WNT9A: variants seen among roughly 807,000 people sequenced by gnomAD.
WNT9A encodes the protein Wnt family member 9A.
WNT9A carries 8 observed loss-of-function variants against 31.4 expected under a neutral mutation model. That is an observed-to-expected ratio of 0.26 (90% confidence interval 0.15 to 0.46). WNT9A has a LOEUF of 0.46. Among genes scored for constraint, WNT9A ranks in the 20% least tolerant of loss-of-function variants. The pLI, the probability that WNT9A is intolerant of heterozygous loss-of-function variation, is 0.99. For synonymous variants in WNT9A, 236 were observed against 220.1 expected, an observed-to-expected ratio of 1.07 and a Z score of -0.64; for missense variants, 457 against 522.9, an observed-to-expected ratio of 0.87 and a Z score of 1.23.
In WNT9A at chr1:227,947,874, G is replaced by A. The variant is rs1209458874; in HGVS notation, c.14C>T (p.Ser5Phe). MLDGSPLARWLAAAF... is the reference protein window; with the variant it reads MLDGFPLARWLAAAF... The stretch of plus-strand genomic sequence containing the variant: ...CGCGGCCAGCCAGCGCGCCAGCGGG[G>A]ACCCATCCAGCATCTTGCCGCGCCT... Residue 5 changes from serine to phenylalanine, a missense_variant, in exon 1 of 4, where the codon TCC becomes TTC. By Grantham distance (155) the Ser-to-Phe change is radical. Coordinates refer to ENST00000272164, the MANE Select transcript of WNT9A (RefSeq NM_003395.4). 7 of 1,081,736 alleles carry A rather than the reference G, an allele frequency of 6.5e-6. No homozygotes were observed. Among genetic ancestry groups the A allele is most frequent in the South Asian group, 8.6e-5 (2 of 23,162 alleles). 67.0% of individuals were successfully genotyped at this position (1,081,736 alleles called of 1,614,324 possible). A position where few individuals can be genotyped will look rare whatever the true frequency, so the allele number is the denominator to read the frequency against.
chr1:227,921,497 G>A lies in WNT9A; in HGVS notation c.*21C>T. 6.3e-7 allele frequency: 1 copy of A among 1,595,050 alleles called. No individual in the cohort carries two copies. The highest frequency in any genetic ancestry group is 1.1e-5 in the South Asian group (1 of 87,838). On this transcript the variant is annotated 3_prime_UTR_variant, in exon 4 of 4. Transcript: ENST00000272164. ...TGCAATGCCTGCACCCTGTGCAGCA[G>A]GGCTGGCAGGGCCTGGGAACTCAGC... is the stretch of plus-strand genomic sequence containing the variant.
At position 227,926,766 on chromosome 1, in the gene WNT9A, G is replaced by A. The variant is rs1462732976; in HGVS notation, c.96-1247C>T. ...AGGATGTGCTGGGAGCCACCGGGGT[G>A]CCAGCTTGGGAAGGCTCCCCCCACA... On this transcript the variant is annotated intron_variant, in intron 1 of 3. Transcript: ENST00000272164. This position sits in a 1 kb window ranked among gnomAD's most constrained non-coding sequence, Gnocchi z 5.0. 6.6e-6 allele frequency among the ~76,000 whole-genome samples: 1 copy of A among 151,948 alleles called. No individual in the cohort carries two copies. The highest frequency in any genetic ancestry group is 1.5e-5 in the Non-Finnish European group (1 of 67,982).
chr1:227,927,263 T>A (rs74140819), intron 1 of WNT9A, among the ~76,000 whole-genome samples: 1,924 of 152,012 alleles, frequency 0.013, 13 homozygotes, highest in African/African-American at 0.021. Flanking sequence ...CACACACCCA[T>A]GTGCCAGGCT....
intron 3 of WNT9A, 46 bp from the exon 4 acceptor site, chr1:227,922,046 G>T: frequency 5.1e-6 from 8 of 1,555,158 alleles, no homozygotes; most frequent in Non-Finnish European, 7.0e-6. Context: ...GGCTGTGCAG[G>T]TGGGCCCAGT....
At chr1:227,922,884 C>A (rs1238402156) in intron 3 of WNT9A, among the ~76,000 whole-genome samples, 1 of 152,098 alleles carries the variant, frequency 6.6e-6, no homozygotes, top group Non-Finnish European at 1.5e-5. Flanking sequence ...AGAAATCCAG[C>A]CACCTCTGGC....
Position 227,927,696 on chromosome 1 carries a change from C to T in WNT9A, c.96-2177G>A, listed in dbSNP as rs958174947. Among the ~76,000 whole-genome samples the T allele has an allele frequency of 2.6e-5, 4 of 152,086 alleles. No homozygotes were observed. In the East Asian group the frequency reaches 5.8e-4, roughly 22 times the overall value. ...TGGAGACCTCCATCCCCAGACGGAACGCCACAGCTGTGACCAGAACAGCCC... is the reference window on the plus strand; with the variant it reads ...TGGAGACCTCCATCCCCAGACGGAATGCCACAGCTGTGACCAGAACAGCCC... On this transcript the variant is annotated intron_variant, in intron 1 of 3. Transcript: ENST00000272164.
chr1:227,932,170 C>T (rs1291899942), intron 1 of WNT9A, among the ~76,000 whole-genome samples: 1 of 152,228 alleles, frequency 6.6e-6, no homozygotes, highest in African/African-American at 2.4e-5. Context: ...TCTTCTCAAA[C>T]CCTGCCACTG....
intron 1 of WNT9A, among the ~76,000 whole-genome samples, chr1:227,931,685 G>A (rs1480781806): frequency 2.0e-5 from 3 of 152,154 alleles, no homozygotes; most frequent in African/African-American, 7.2e-5. Flanking sequence ...GTCTTTAAGT[G>A]AGCAATATAG....
In WNT9A at chr1:227,924,275, G is replaced by A. The variant is rs1462544358; in HGVS notation, c.478C>T (p.Arg160Cys). The A allele has an allele frequency of 3.1e-6, 5 of 1,613,730 alleles. No homozygotes were observed. Among genetic ancestry groups the A allele is most frequent in the South Asian group, 1.1e-5 (1 of 91,082 alleles). The change falls in exon 3 of 4, where the codon CGT becomes TGT. Residue 160 changes from arginine (R) to cysteine (C), a missense_variant. Transcript: ENST00000272164. ...CAGCCCCCCCACTGCCAGGCCTCACGGTTCTCCAGGTCGGGTGCCTCATCG... is the reference window on the plus strand; with the variant it reads ...CAGCCCCCCCACTGCCAGGCCTCACAGTTCTCCAGGTCGGGTGCCTCATCG... ...TCDEAPDLEN[R>C]EAWQWGGCGD... is the part of the protein sequence containing the mutation.
At chr1:227,944,775 C>T (rs1300777754) in intron 1 of WNT9A, among the ~76,000 whole-genome samples, 2 of 152,136 alleles carry the variant, frequency 1.3e-5, no homozygotes, top group Non-Finnish European at 2.9e-5. Context: ...TGGCCTCCCA[C>T]CATCGTGCCC....
chr1:227,944,964 G>A (rs1284606095), intron 1 of WNT9A, among the ~76,000 whole-genome samples: 1 of 152,216 alleles, frequency 6.6e-6, no homozygotes, highest in African/African-American at 2.4e-5. Context: ...CAGCCTAGCA[G>A]CCAGGGGTGG....
rs764288633 is a variant in WNT9A at position 227,921,763 on chromosome 1, G to A, written c.853C>T (p.Arg285Cys). The A allele has an allele frequency of 3.2e-5, 51 of 1,612,326 alleles. No homozygotes were observed. Among genetic ancestry groups the A allele is most frequent in the South Asian group, 6.6e-5 (6 of 91,060 alleles). ...SGAGGSDPLP[R>C]TPELVHLDDS... Reference sequence around the variant, plus strand: ...TCCAGGTGCACCAGCTCTGGAGTGCGGGGCAGCGGGTCGCTGCCACCTGCC... The same window carrying A: ...TCCAGGTGCACCAGCTCTGGAGTGCAGGGCAGCGGGTCGCTGCCACCTGCC... Residue 285 changes from arginine (R) to cysteine (C), a missense_variant, in exon 4 of 4, where the codon CGC (arginine) becomes TGC (cysteine). Arg to Cys is a radical substitution (Grantham distance 180, BLOSUM62 -3). Coordinates refer to ENST00000272164, the MANE Select transcript of WNT9A (RefSeq NM_003395.4).
intron 1 of WNT9A, among the ~76,000 whole-genome samples, chr1:227,946,336 C>G (rs2102733684): frequency 6.6e-6 from 1 of 152,350 alleles, no homozygotes; most frequent in South Asian, 2.1e-4. Context: ...GCCGCTGCAG[C>G]CTGGACAAGC....
At chr1:227,947,462 C>T (rs1666813109) in intron 1 of WNT9A, among the ~76,000 whole-genome samples, 1 of 152,164 alleles carries the variant, frequency 6.6e-6, no homozygotes, top group Non-Finnish European at 1.5e-5. Context: ...AGCCTTTTGG[C>T]AAGGACACGG....
chr1:227,939,128 G>A (rs953277551), intron 1 of WNT9A, among the ~76,000 whole-genome samples: 4 of 152,236 alleles, frequency 2.6e-5, no homozygotes, highest in South Asian at 2.1e-4. Flanking sequence ...GAAGGAAGAC[G>A]TCTCAACACC....
In WNT9A at chr1:227,921,950, G is replaced by T; in HGVS notation, c.666C>A (p.Gly222=). The part of the protein sequence containing the change: ...ETTCKCHGVS[G]SCTVRTCWRQ... ...GCCAGCAGGTCCGCACCGTGCATGA[G>T]CCTGACACGCCGTGGCACTTGCAGG... The change falls in exon 4 of 4, where the codon GGC becomes GGA. Residue 222 remains glycine, a synonymous_variant. Coordinates refer to ENST00000272164, the MANE Select transcript of WNT9A (RefSeq NM_003395.4). 1 of 1,612,710 alleles carries T rather than the reference G, an allele frequency of 6.2e-7. No individual in the cohort carries two copies. Among genetic ancestry groups the T allele is most frequent in the Non-Finnish European group, 8.5e-7 (1 of 1,179,698 alleles).
intron 1 of WNT9A, among the ~76,000 whole-genome samples, chr1:227,934,847 C>G (rs909966988): frequency 6.6e-6 from 1 of 151,764 alleles, no homozygotes; most frequent in Non-Finnish European, 1.5e-5. Context: ...TGAGTCATAG[C>G]CTCAGGTAAG....
At chr1:227,939,601 A>G (rs1666657782) in intron 1 of WNT9A, among the ~76,000 whole-genome samples, 1 of 152,096 alleles carries the variant, frequency 6.6e-6, no homozygotes, top group African/African-American at 2.4e-5. Flanking sequence ...CCAGCACAAT[A>G]GACAGGAAGT....
At position 227,942,373 on chromosome 1, in the gene WNT9A, A is replaced by C. The variant is rs545436628; in HGVS notation, c.95+5420T>G. ...CAGAGCAGGAAGGAGGAAGGCCACCAGCGCCTGCAGGGGCCATCAGGCTGA... is the reference window on the plus strand; with the variant it reads ...CAGAGCAGGAAGGAGGAAGGCCACCCGCGCCTGCAGGGGCCATCAGGCTGA... On this transcript the variant is annotated intron_variant, in intron 1 of 3. Transcript: ENST00000272164. The surrounding 1 kb of genome is among the most constrained non-coding windows in gnomAD (Gnocchi z 5.7). 6.6e-6 allele frequency among the ~76,000 whole-genome samples: 1 copy of C among 152,244 alleles called. No homozygotes were observed. Among genetic ancestry groups the C allele is most frequent in the East Asian group, 1.9e-4 (1 of 5,168 alleles).
Sources: gnomAD v4.1 joint callset for allele counts (sites outside exome capture counted in the v4.1 genomes callset) on GRCh38, gnomAD v4.1.1 for gene constraint, Gnocchi (gnomAD v3.1) non-coding constraint, MANE v1.5 for transcripts, NCBI Gene and HGNC (gene_info 2026-07-23, HGNC 2026-07-21) for gene names.